Variants in SEMA3A observed in about 807,000 individuals in gnomAD.
The protein encoded by SEMA3A is semaphorin 3A.
In SEMA3A, 29 loss-of-function variants were observed where a neutral mutation model predicts 97.9. The ratio of observed to expected loss-of-function variants is 0.30; its 90% CI spans 0.22 to 0.40. SEMA3A has a LOEUF of 0.40. SEMA3A is among the 10% of genes least tolerant of loss of function. SEMA3A has a pLI of 1.00. For synonymous variants in SEMA3A, 321 were observed against 323.7 expected, an observed-to-expected ratio of 0.99 and a Z score of 0.09; for missense variants, 763 against 951.3, an observed-to-expected ratio of 0.80 and a Z score of 2.60.
At chr7:84,057,960 T>G (rs1401156664) in intron 5 of SEMA3A, among the ~76,000 whole-genome samples, 1 of 152,138 alleles carries the variant, frequency 6.6e-6, no homozygotes, top group Admixed American at 6.6e-5. Context: ...AGTCCTCAGC[T>G]TAAAAACCCA....
At chr7:84,133,277 T>C (rs997215908) in intron 2 of SEMA3A, among the ~76,000 whole-genome samples, 18 of 152,172 alleles carry the variant, frequency 1.2e-4, no homozygotes, top group African/African-American at 4.1e-4. Context: ...CTATATATAA[T>C]GAATCAAATT....
intron 6 of SEMA3A, among the ~76,000 whole-genome samples, chr7:84,038,853 T>C (rs1792034114): frequency 6.6e-6 from 1 of 152,182 alleles, no homozygotes; most frequent in Non-Finnish European, 1.5e-5. Context: ...TTGGCTATTG[T>C]TTATAATTTC....
chr7:84,437,251 T>C (rs1460849197), intron 1 of SEMA3A, among the ~76,000 whole-genome samples: 1 of 152,004 alleles, frequency 6.6e-6, no homozygotes, highest in Non-Finnish European at 1.5e-5. Flanking sequence ...AAAGGAATAA[T>C]GGAATGAACT....
chr7:84,285,900 C>G (rs920797641), intron 3 of SEMA3A, among the ~76,000 whole-genome samples: 2 of 144,426 alleles, frequency 1.4e-5, no homozygotes, highest in African/African-American at 5.2e-5. Context: ...GATTGTGAGA[C>G]ATGATTGACT....
chr7:84,487,780 T>A (rs944778969), intron 1 of SEMA3A, among the ~76,000 whole-genome samples: 15 of 152,140 alleles, frequency 9.9e-5, no homozygotes, highest in African/African-American at 3.6e-4. Flanking sequence ...AGATTACTTT[T>A]TAAAAATCGT....
rs1372459349 is a variant in SEMA3A at position 83,977,203 on chromosome 7, C to T, written c.1653-7G>A. Reference sequence around the variant, plus strand: ...ATCTTGTCGTCTTGTGCGTCTGAAGCAATTACATTTAAAAGGTGTTATTGT... The same window carrying T: ...ATCTTGTCGTCTTGTGCGTCTGAAGTAATTACATTTAAAAGGTGTTATTGT... On this transcript the variant is annotated splice_region_variant and splice_polypyrimidine_tract_variant and intron_variant, in intron 14 of 16. Transcript: ENST00000265362. The T allele has an allele frequency of 4.5e-6, 7 of 1,538,788 alleles. No homozygotes were observed. Among genetic ancestry groups the T allele is most frequent in the Admixed American group, 1.8e-5 (1 of 56,908 alleles).
chr7:84,366,931 T>A (rs1335605052), intron 2 of SEMA3A, among the ~76,000 whole-genome samples: 1 of 151,204 alleles, frequency 6.6e-6, no homozygotes, highest in Non-Finnish European at 1.5e-5. Context: ...TGAGAGTTTG[T>A]TCCAGCAATT....
At chr7:84,132,626 A>G (rs1795994961) in intron 2 of SEMA3A, among the ~76,000 whole-genome samples, 1 of 150,040 alleles carries the variant, frequency 6.7e-6, no homozygotes, top group Admixed American at 6.7e-5. Flanking sequence ...AAATTTCCTA[A>G]AATCAATATA....
chr7:84,400,146 T>G (rs774903943), intron 1 of SEMA3A, among the ~76,000 whole-genome samples: 3 of 152,130 alleles, frequency 2.0e-5, no homozygotes, highest in Non-Finnish European at 4.4e-5. Context: ...CCCTCTGAAT[T>G]CTTGGAAGGC....
intron 4 of SEMA3A, among the ~76,000 whole-genome samples, chr7:84,086,501 ATTATTATATTATATTTATAT>A (rs1199576935): frequency 0.093 from 5,886 of 63,030 alleles, 245 homozygotes; most frequent in Non-Finnish European, 0.16. Flanking sequence ...CATATAATAT[ATTATTATATTATATTTATAT>A]ATAATATATT....
intron 6 of SEMA3A, among the ~76,000 whole-genome samples, chr7:84,031,017 G>A (rs1272709816): frequency 4.2e-5 from 5 of 117,770 alleles, no homozygotes; most frequent in African/African-American, 1.3e-4. Flanking sequence ...TTTTTGAGAC[G>A]GAGTCTTGCT....
intron 4 of SEMA3A, among the ~76,000 whole-genome samples, chr7:84,105,374 A>C (rs1795078505): frequency 6.6e-6 from 1 of 152,198 alleles, no homozygotes; most frequent in Non-Finnish European, 1.5e-5. Context: ...AAAGTTTTGC[A>C]TCAGAGCACA....
intron 3 of SEMA3A, among the ~76,000 whole-genome samples, chr7:84,229,367 A>G (rs1157843196): frequency 6.6e-6 from 1 of 152,138 alleles, no homozygotes; most frequent in Non-Finnish European, 1.5e-5. Context: ...ACATAGAGTG[A>G]GTGACACAGC....
intron 2 of SEMA3A, among the ~76,000 whole-genome samples, chr7:84,329,478 A>T (rs536030084): frequency 1.3e-5 from 2 of 152,130 alleles, no homozygotes; most frequent in South Asian, 2.1e-4. Flanking sequence ...TACTTCTCCC[A>T]ATGTGGCCCA....
At chr7:84,147,720 A>G (rs566822163) in intron 1 of SEMA3A, among the ~76,000 whole-genome samples, 1 of 152,348 alleles carries the variant, frequency 6.6e-6, no homozygotes, top group African/African-American at 2.4e-5. Flanking sequence ...TGAATGTGCA[A>G]TAGTGCATAT....
intron 1 of SEMA3A, among the ~76,000 whole-genome samples, chr7:84,432,195 G>GA: frequency 6.6e-6 from 1 of 152,040 alleles, no homozygotes; most frequent in Non-Finnish European, 1.5e-5. Context: ...AAAAGCCATT[G>GA]AATGTTTTAA....
intron 1 of SEMA3A, among the ~76,000 whole-genome samples, chr7:84,182,303 G>T (rs1438740776): frequency 6.6e-6 from 1 of 152,034 alleles, no homozygotes. Flanking sequence ...TCCTTAAGTT[G>T]TCATGAAGGA....
chr7:84,244,917 C>T (rs1799446350), intron 3 of SEMA3A, among the ~76,000 whole-genome samples: 1 of 152,114 alleles, frequency 6.6e-6, no homozygotes, highest in Non-Finnish European at 1.5e-5. Context: ...TATTGGCCCT[C>T]ACTTTCTTCT....
At chr7:84,441,026 C>T (rs1014739681) in intron 1 of SEMA3A, among the ~76,000 whole-genome samples, 6 of 151,948 alleles carry the variant, frequency 3.9e-5, no homozygotes, top group African/African-American at 9.7e-5. Context: ...GGCGTCGGGG[C>T]GCATGCCTGT....
Sources: allele counts gnomAD v4.1 joint callset (sites outside exome capture counted in the v4.1 genomes callset), GRCh38; gene constraint gnomAD v4.1.1; transcripts MANE v1.5; gene names NCBI Gene and HGNC (gene_info 2026-07-23, HGNC 2026-07-21).